The following RBL1 variants were observed in gnomAD, a reference collection of about 807,000 sequenced individuals.
RBL1 encodes the protein retinoblastoma-like protein 1.
Under a neutral mutation model 123.0 loss-of-function variants are expected in RBL1, and 82 were observed. That is an observed-to-expected ratio of 0.67 (90% CI 0.56 to 0.80). RBL1 has a LOEUF of 0.80. Among genes scored for constraint, RBL1 ranks in the 30% least tolerant of loss-of-function variants. The pLI is 0.00. For synonymous variants in RBL1, 405 were observed against 441.3 expected, an observed-to-expected ratio of 0.92 and a Z score of 1.03; for missense variants, 1,171 against 1,299.6, an observed-to-expected ratio of 0.90 and a Z score of 1.52.
intron 19 of RBL1, among the ~76,000 whole-genome samples, chr20:37,012,818 C>A (rs1268111041): frequency 6.6e-6 from 1 of 151,108 alleles, no homozygotes; most frequent in African/African-American, 2.4e-5. Context: ...CGGCCAGCCA[C>A]CCCGTCAGGG....
At chr20:37,007,302 T>C in intron 20 of RBL1, 109 bp downstream of exon 20, 1 of 1,166,932 alleles carries the variant, frequency 8.6e-7, no homozygotes, top group Non-Finnish European at 1.2e-6. Context: ...GGACATGCTC[T>C]GATTAATTGC....
intron 19 of RBL1, among the ~76,000 whole-genome samples, chr20:37,012,321 G>C (rs1219380270): frequency 1.3e-5 from 2 of 151,812 alleles, no homozygotes; most frequent in African/African-American, 4.9e-5. Context: ...CTGCCTGGCC[G>C]CCCATCGTCT....
At chr20:37,002,100 T>C (rs932800863) in intron 21 of RBL1, among the ~76,000 whole-genome samples, 19 of 151,844 alleles carry the variant, frequency 1.3e-4, no homozygotes, top group African/African-American at 4.4e-4. Context: ...GGGCATGATC[T>C]TGGCTCACTG....
chr20:37,055,806 T>C (rs1600542368), intron 10 of RBL1, 150 bp from the exon 11 acceptor site: 4 of 836,240 alleles, frequency 4.8e-6, no homozygotes, highest in Non-Finnish European at 7.1e-6. Context: ...CCTAGCACTT[T>C]GGGAGGCCTA....
At chr20:37,087,165 T>C (rs962640265) in intron 2 of RBL1, among the ~76,000 whole-genome samples, 4 of 152,068 alleles carry the variant, frequency 2.6e-5, no homozygotes, top group African/African-American at 9.7e-5. Flanking sequence ...TGAATCCACA[T>C]CTCTACGAAA....
At position 36,999,504 on chromosome 20, in the gene RBL1, CCTCTCCCTCTCTTT is replaced by C. The variant is rs1306901057; in HGVS notation, c.3037-589_3037-576del. 2.6e-3 allele frequency among the ~76,000 whole-genome samples: 388 copies of C among 151,366 alleles called. 1 individual carries two copies. Among genetic ancestry groups the C allele is most frequent in the African/African-American group, 8.8e-3 (363 of 41,366 alleles). On this transcript the variant is annotated intron_variant, in intron 21 of 21. Transcript: ENST00000373664. ...TCCCTCTCCCTCTCCCCACGGTCTCCCTCTCCCTCTCTTTCCACGGTCTCCCCCTGATGCCGAGC... is the reference window on the plus strand; with the variant it reads ...TCCCTCTCCCTCTCCCCACGGTCTCCCCACGGTCTCCCCCTGATGCCGAGC...
In RBL1 at chr20:37,062,096, C is replaced by T. The variant is rs756086748; in HGVS notation, c.1071G>A (p.Gln357=). ...TAGGTTATATTACTTTTTCAAAGTG[C>T]TGTTGAAGGTTATACTCCACATTAG... ...AQANVEYNLQ[Q]HFEKKRSFAP... is the part of the protein sequence containing the mutation. Residue 357 remains glutamine, a synonymous_variant, in exon 8 of 22, where the codon CAG becomes CAA. Transcript: ENST00000373664. 8.1e-6 allele frequency: 13 copies of T among 1,611,772 alleles called. No homozygotes were observed. The South Asian group carries it at 1.4e-4, about 18-fold the overall frequency.
intron 21 of RBL1, among the ~76,000 whole-genome samples, chr20:36,999,419 T>C (rs2063926731): frequency 6.7e-6 from 1 of 150,262 alleles, no homozygotes; most frequent in Non-Finnish European, 1.5e-5. Context: ...AAAAATAAGC[T>C]TCCCGTCTCC....
chr20:37,039,439 G>A (rs1305557761), intron 14 of RBL1, among the ~76,000 whole-genome samples: 1 of 152,190 alleles, frequency 6.6e-6, no homozygotes, highest in Admixed American at 6.5e-5. Flanking sequence ...CCAGGTGGGA[G>A]GTCACTGAAT....
chr20:37,069,071 C>T lies in RBL1; in HGVS notation c.291-885G>A, dbSNP rs536929501. On this transcript the variant is annotated intron_variant, in intron 2 of 21. Coordinates refer to ENST00000373664, the MANE Select transcript of RBL1 (RefSeq NM_002895.5). ...GCCAGGCCGGTCTCCAGCCCCTAAC[C>T]GCAAGTGATCCGCCAGCCTCGGCCT... Among the ~76,000 whole-genome samples, 25 of 152,382 alleles carry T rather than the reference C, an allele frequency of 1.6e-4. No homozygotes were observed. In the East Asian group the frequency reaches 4.0e-3, roughly 25 times the overall value.
At chr20:37,037,043 C>T (rs1237310820) in intron 14 of RBL1, among the ~76,000 whole-genome samples, 2 of 152,146 alleles carry the variant, frequency 1.3e-5, no homozygotes, top group South Asian at 2.1e-4. Flanking sequence ...TAAAAATCTC[C>T]GTAATTCTTG....
intron 2 of RBL1, among the ~76,000 whole-genome samples, chr20:37,072,587 C>T (rs75565103): frequency 0.01 from 1,546 of 152,288 alleles, 25 homozygotes; most frequent in African/African-American, 0.036. Flanking sequence ...ACTTTTGAGC[C>T]TTGTCTACCA....
intron 19 of RBL1, among the ~76,000 whole-genome samples, chr20:37,007,939 C>T (rs1051805995): frequency 6.6e-5 from 10 of 151,850 alleles, no homozygotes; most frequent in African/African-American, 2.2e-4. Flanking sequence ...GACCTTTCTA[C>T]AATATTAAAA....
chr20:37,087,595 A>T (rs915411975), intron 2 of RBL1, among the ~76,000 whole-genome samples: 26 of 152,182 alleles, frequency 1.7e-4, no homozygotes, highest in Admixed American at 5.2e-4. Context: ...CTCTAAAAAA[A>T]TTTTTTTTAA....
At chr20:37,024,462 G>GTATC (rs2064390053) in intron 16 of RBL1, among the ~76,000 whole-genome samples, 1 of 152,174 alleles carries the variant, frequency 6.6e-6, no homozygotes, top group Non-Finnish European at 1.5e-5. Context: ...CTGATCCAAT[G>GTATC]CTTACAGGAT....
Position 37,095,811 on chromosome 20 carries a change from C to T in RBL1, c.118G>A (p.Asp40Asn), listed in dbSNP as rs1387087837. 1 of 1,610,098 alleles carries T rather than the reference C, an allele frequency of 6.2e-7. No homozygotes were observed. The highest frequency in any genetic ancestry group is 8.5e-7 in the Non-Finnish European group (1 of 1,178,756). Residue 40 changes from aspartate (D) to asparagine (N), a missense_variant, in exon 1 of 22, where the codon GAC becomes AAC. Transcript: ENST00000373664. Reference protein sequence around the residue: ...LDEGSAAEALDDFTAIRGNYS... With the variant: ...LDEGSAAEALNDFTAIRGNYS... Reference sequence around the variant, plus strand: ...TTGCCTCGGATGGCAGTAAAGTCGTCCAGGGCTTCGGCCGCGCTCCCCTCG... The same window carrying T: ...TTGCCTCGGATGGCAGTAAAGTCGTTCAGGGCTTCGGCCGCGCTCCCCTCG...
chr20:37,045,029 A>G (rs2064795555), intron 12 of RBL1, among the ~76,000 whole-genome samples: 1 of 152,022 alleles, frequency 6.6e-6, no homozygotes, highest in South Asian at 2.1e-4. Context: ...AATATTAATA[A>G]TATGATTGTT....
At chr20:37,012,886 C>G (rs1162923201) in intron 19 of RBL1, among the ~76,000 whole-genome samples, 2 of 149,334 alleles carry the variant, frequency 1.3e-5, no homozygotes, top group Admixed American at 1.3e-4. Flanking sequence ...CCCCTCTGCC[C>G]GGCCAGCCGC....
intron 11 of RBL1, chr20:37,049,301 G>C (rs2064866600): frequency 4.7e-6 from 3 of 636,830 alleles, no homozygotes; most frequent in Non-Finnish European, 8.5e-6. Flanking sequence ...TCACCCTCAA[G>C]GTTGAACCCT....
Sources: gnomAD v4.1 joint callset for allele counts (sites outside exome capture counted in the v4.1 genomes callset) on GRCh38, gnomAD v4.1.1 for gene constraint, MANE v1.5 for transcripts, NCBI Gene and HGNC (gene_info 2026-07-23, HGNC 2026-07-21) for gene names.